APP: variants seen among roughly 807,000 people sequenced by gnomAD.
APP encodes amyloid beta precursor protein, also known as amyloid-beta precursor protein.
In APP, 31 loss-of-function variants were observed where a neutral mutation model predicts 101.4. The ratio of observed to expected loss-of-function variants is 0.31; its 90% CI spans 0.23 to 0.41. APP has a LOEUF of 0.41. Among genes scored for constraint, APP ranks in the 10% least tolerant of loss-of-function variants. The pLI is 1.00. For synonymous variants in APP, 366 were observed against 364.4 expected (o/e 1.00, Z -0.05); for missense variants, 839 against 1,003.7 (o/e 0.84, Z 2.22).
intron 1 of APP, among the ~76,000 whole-genome samples, chr21:26,133,955 G>C (rs1334797341): frequency 6.6e-6 from 1 of 152,108 alleles, no homozygotes; most frequent in Non-Finnish European, 1.5e-5. Context: ...TTTGATTTCT[G>C]ACATTTACAA....
chr21:26,045,693 G>A (rs187742824), intron 5 of APP, among the ~76,000 whole-genome samples: 1 of 152,148 alleles, frequency 6.6e-6, no homozygotes, highest in Non-Finnish European at 1.5e-5. Context: ...GCAAGGTGAC[G>A]TCTTGCCATA....
At chr21:26,140,495 G>T in intron 1 of APP, 1 of 634,922 alleles carries the variant, frequency 1.6e-6, no homozygotes, top group Non-Finnish European at 2.3e-6. Flanking sequence ...CCTTTTGTAG[G>T]ATTTTCTTGG....
At chr21:25,914,549 CTTTTTTTTTTTT>C (rs10647133) in intron 13 of APP, among the ~76,000 whole-genome samples, 17 of 114,808 alleles carry the variant, frequency 1.5e-4, no homozygotes, top group Non-Finnish European at 2.7e-4. Flanking sequence ...CACAAGGCGC[CTTTTTTTTTTTT>C]TTTTTTTTTT....
At position 25,881,572 on chromosome 21, in the gene APP, C is replaced by T. The variant is rs200773744; in HGVS notation, c.*98G>A. ...AGGCGATAATGAGTAAATCATAAAACGGGTTTGTTTCTTCCCACATTATTC... is the reference window on the plus strand; with the variant it reads ...AGGCGATAATGAGTAAATCATAAAATGGGTTTGTTTCTTCCCACATTATTC... On this transcript the variant is annotated 3_prime_UTR_variant, in exon 18 of 18. Transcript: ENST00000346798. 2.3e-5 allele frequency: 31 copies of T among 1,355,524 alleles called. 1 individual carries two copies. The highest frequency in any genetic ancestry group is 8.2e-5 in the South Asian group (7 of 85,634). The allele number at this position is 1,355,524 out of a possible 1,614,324, so 84.0% of individuals were successfully genotyped here.
chr21:25,915,948 G>A (rs1050392754), intron 13 of APP, among the ~76,000 whole-genome samples: 5 of 151,850 alleles, frequency 3.3e-5, no homozygotes, highest in Admixed American at 3.3e-4. Flanking sequence ...TACATTTTTA[G>A]CAGAGTGAAA....
At chr21:26,060,318 CG>C (rs2046221869) in intron 3 of APP, among the ~76,000 whole-genome samples, 1 of 152,100 alleles carries the variant, frequency 6.6e-6, no homozygotes. Context: ...ATCAACACAG[CG>C]GGGTGGAGTC....
chr21:26,169,956 A>G (rs945926494), intron 1 of APP, among the ~76,000 whole-genome samples: 4 of 152,106 alleles, frequency 2.6e-5, no homozygotes, highest in Non-Finnish European at 4.4e-5. Flanking sequence ...GGCTCGGGCT[A>G]GGGTCGCACC....
At chr21:26,170,241 C>CCCCGA (rs1192884579) in intron 1 of APP, among the ~76,000 whole-genome samples, 1 of 152,182 alleles carries the variant, frequency 6.6e-6, no homozygotes, top group African/African-American at 2.4e-5. Flanking sequence ...CTCTCGCCTC[C>CCCCGA]CCCGACCCCC....
chr21:25,943,701 T>G (rs978303118), intron 13 of APP, among the ~76,000 whole-genome samples: 3 of 152,222 alleles, frequency 2.0e-5, no homozygotes, highest in African/African-American at 7.2e-5. Context: ...CCCAAAGTGC[T>G]GGGATTACAG....
chr21:26,035,455 C>T (rs768040), intron 5 of APP, among the ~76,000 whole-genome samples: 53,334 of 151,736 alleles, frequency 0.35, 9,352 homozygotes, highest in South Asian at 0.4. Flanking sequence ...TGGGGTGATA[C>T]TGCGGAGGTA....
Position 26,133,576 on chromosome 21 carries a change from G to A in APP, c.58-21430C>T, listed in dbSNP as rs540556795. Among the ~76,000 whole-genome samples, 10 of 152,284 alleles carry A rather than the reference G, an allele frequency of 6.6e-5. No homozygotes were observed. In the South Asian group the frequency reaches 1.2e-3, roughly 19 times the overall value. Reference sequence around the variant, plus strand: ...CGAGGCGGGTGGGATCATGAGGTCAGGAGTTGAAGACCAGCCTGGCCAAGA... The same window carrying A: ...CGAGGCGGGTGGGATCATGAGGTCAAGAGTTGAAGACCAGCCTGGCCAAGA... On this transcript the variant is annotated intron_variant, in intron 1 of 17. Transcript: ENST00000346798.
chr21:25,959,120 A>G (rs1283171006), intron 11 of APP, among the ~76,000 whole-genome samples: 1 of 152,214 alleles, frequency 6.6e-6, no homozygotes, highest in East Asian at 1.9e-4. Context: ...AGTTTAAGAT[A>G]GTTCTACAAA....
chr21:26,067,166 AT>A (rs2046487912), intron 3 of APP, among the ~76,000 whole-genome samples: 1 of 152,254 alleles, frequency 6.6e-6, no homozygotes, highest in African/African-American at 2.4e-5. Context: ...AACAGGTAAA[AT>A]TAATTTTATT....
chr21:26,047,057 A>G (rs2045640657), intron 5 of APP, among the ~76,000 whole-genome samples: 1 of 152,206 alleles, frequency 6.6e-6, no homozygotes, highest in African/African-American at 2.4e-5. Flanking sequence ...GACCATTACA[A>G]CACTGGAGAA....
intron 1 of APP, among the ~76,000 whole-genome samples, chr21:26,122,732 G>GAAGATTTTAATAAAATTTTTTTATTAA (rs1410277483): frequency 8.9e-4 from 130 of 145,492 alleles, no homozygotes; most frequent in African/African-American, 2.4e-3. Context: ...TTTTTTATTA[G>GAAGATTTTAATAAAATTTTTTTATTAA]AAGATTTTAA....
intron 9 of APP, 37 bp from the exon 10 acceptor site, chr21:25,976,065 A>C: frequency 6.6e-7 from 1 of 1,526,294 alleles, no homozygotes; most frequent in Non-Finnish European, 9.1e-7. Context: ...TAAAATCATC[A>C]GTTCATCCTT....
intron 12 of APP, 30 bp downstream of exon 12, chr21:25,955,597 C>T (rs202140437): frequency 9.9e-5 from 160 of 1,613,712 alleles, no homozygotes; most frequent in Non-Finnish European, 1.3e-4. Context: ...ATTGTCAAAG[C>T]TGCAGAAGAT....
intron 3 of APP, among the ~76,000 whole-genome samples, chr21:26,059,726 TA>T (rs2046190082): frequency 6.6e-6 from 1 of 151,708 alleles, no homozygotes; most frequent in Admixed American, 6.6e-5. Context: ...CCGTCTCTAC[TA>T]AAAATACAAA....
At chr21:25,989,699 T>A (rs114682240) in intron 8 of APP, among the ~76,000 whole-genome samples, 2,111 of 152,256 alleles carry the variant, frequency 0.014, 49 homozygotes, top group African/African-American at 0.048. Flanking sequence ...TAAAACAAAT[T>A]AAGACCTATA....
Sources: gnomAD v4.1 joint callset for allele counts (sites outside exome capture counted in the v4.1 genomes callset) on GRCh38, gnomAD v4.1.1 for gene constraint, MANE v1.5 for transcripts, NCBI Gene and HGNC (gene_info 2026-07-23, HGNC 2026-07-21) for gene names.